Variants in TNIK observed in about 807,000 individuals in gnomAD.
TNIK encodes TRAF2 and NCK-interacting protein kinase.
In TNIK, 49 loss-of-function variants were observed where a neutral mutation model predicts 191.3. That is an observed-to-expected ratio of 0.26 (90% CI 0.20 to 0.32). TNIK has a LOEUF of 0.32. TNIK is among the 10% of genes least tolerant of loss of function. The pLI is 1.00. For missense variants in TNIK, 1,155 were observed against 1,702.3 expected (o/e 0.68, Z 5.66); for synonymous variants, 594 against 600.9 (o/e 0.99, Z 0.17).
At chr3:171,268,043 G>A (rs976060290) in intron 2 of TNIK, among the ~76,000 whole-genome samples, 2 of 152,122 alleles carry the variant, frequency 1.3e-5, no homozygotes, top group Admixed American at 1.3e-4. Flanking sequence ...TACACTCTGA[G>A]GAGTCCTTCT....
At chr3:171,064,671 G>A (rs900466179) in intron 32 of TNIK, among the ~76,000 whole-genome samples, 8 of 152,168 alleles carry the variant, frequency 5.3e-5, no homozygotes, top group Non-Finnish European at 1.0e-4. Context: ...ACTGACAAAC[G>A]TGAGAAAAAT....
intron 2 of TNIK, among the ~76,000 whole-genome samples, chr3:171,295,751 C>A (rs941600963): frequency 1.3e-5 from 2 of 152,226 alleles, no homozygotes; most frequent in African/African-American, 2.4e-5. Context: ...CCACCACAGA[C>A]CAGGGAGGTA....
intron 1 of TNIK, among the ~76,000 whole-genome samples, chr3:171,446,690 C>T (rs1261990012): frequency 6.6e-6 from 1 of 152,174 alleles, no homozygotes; most frequent in African/African-American, 2.4e-5. Context: ...GAAAGCACAA[C>T]TTAAGATTTT....
chr3:171,204,354 A>T (rs1739802353), intron 4 of TNIK, among the ~76,000 whole-genome samples: 1 of 152,244 alleles, frequency 6.6e-6, no homozygotes. Flanking sequence ...ATTATAATTC[A>T]ATCAGACACC....
At chr3:171,352,591 G>A (rs1713387125) in intron 2 of TNIK, among the ~76,000 whole-genome samples, 1 of 152,186 alleles carries the variant, frequency 6.6e-6, no homozygotes, top group African/African-American at 2.4e-5. Flanking sequence ...CTACTTTACA[G>A]TACAGTTTAA....
chr3:171,251,421 C>T (rs1746208943), intron 2 of TNIK, among the ~76,000 whole-genome samples: 2 of 152,026 alleles, frequency 1.3e-5, no homozygotes, highest in South Asian at 4.2e-4. Flanking sequence ...ATAGCTAGGC[C>T]CAGAAGTAAG....
At chr3:171,445,121 A>G (rs1727322177) in intron 1 of TNIK, among the ~76,000 whole-genome samples, 2 of 152,016 alleles carry the variant, frequency 1.3e-5, no homozygotes, top group Non-Finnish European at 2.9e-5. Flanking sequence ...CCCCATCCTA[A>G]GAGTTTCTGA....
At chr3:171,451,851 C>A (rs1728212911) in intron 1 of TNIK, among the ~76,000 whole-genome samples, 1 of 152,162 alleles carries the variant, frequency 6.6e-6, no homozygotes, top group Admixed American at 6.6e-5. Context: ...ATGCTGGATA[C>A]CATGTGCATT....
At chr3:171,107,511 A>C (rs1725096427) in intron 20 of TNIK, among the ~76,000 whole-genome samples, 1 of 152,214 alleles carries the variant, frequency 6.6e-6, no homozygotes, top group Non-Finnish European at 1.5e-5. Flanking sequence ...TCAACTTTCA[A>C]ATTTTAGCCT....
At chr3:171,157,406 G>C (rs1384278888) in intron 12 of TNIK, 54 bp downstream of exon 12, 1 of 1,538,792 alleles carries the variant, frequency 6.5e-7, no homozygotes, top group Non-Finnish European at 8.8e-7. Flanking sequence ...AATGCTTGGA[G>C]AGTGACCACA....
At position 171,061,598 on chromosome 3, in the gene TNIK, A is replaced by C. The variant is rs1302970873; in HGVS notation, c.*2283T>G. The C allele has an allele frequency of 6.6e-6, 1 of 152,232 alleles. No homozygotes were observed. Among genetic ancestry groups the C allele is most frequent in the African/African-American group, 2.4e-5 (1 of 41,464 alleles). The allele number at this position is 152,232 out of a possible 1,614,324, so 9.4% of individuals were successfully genotyped here. On this transcript the variant is annotated 3_prime_UTR_variant, in exon 33 of 33. Transcript: ENST00000436636. ...GTGTGTTTCAAACTTATCACTTAGAAATAAAAACAAAACAAAACATAAAAA... is the reference window on the plus strand; with the variant it reads ...GTGTGTTTCAAACTTATCACTTAGACATAAAAACAAAACAAAACATAAAAA...
chr3:171,245,450 A>G (rs1745485302), intron 2 of TNIK, among the ~76,000 whole-genome samples: 1 of 152,196 alleles, frequency 6.6e-6, no homozygotes, highest in Non-Finnish European at 1.5e-5. Flanking sequence ...AAAATAAAAG[A>G]AACAACATTT....
chr3:171,082,033 CT>C (rs1451694201), intron 27 of TNIK, among the ~76,000 whole-genome samples: 1 of 152,134 alleles, frequency 6.6e-6, no homozygotes, highest in Non-Finnish European at 1.5e-5. Context: ...TGGTATGTCT[CT>C]GCCTAATTCA....
intron 15 of TNIK, among the ~76,000 whole-genome samples, chr3:171,134,472 C>T (rs991933548): frequency 2.6e-5 from 4 of 151,978 alleles, no homozygotes; most frequent in East Asian, 1.9e-4. Flanking sequence ...TGTAGAGACA[C>T]GGTTTCACTG....
intron 2 of TNIK, among the ~76,000 whole-genome samples, chr3:171,283,869 C>T (rs993886212): frequency 6.6e-6 from 1 of 152,204 alleles, no homozygotes; most frequent in Non-Finnish European, 1.5e-5. Context: ...TACTGTCTCT[C>T]AGCCATCTTC....
At chr3:171,289,023 A>G (rs1751378676) in intron 2 of TNIK, among the ~76,000 whole-genome samples, 1 of 152,212 alleles carries the variant, frequency 6.6e-6, no homozygotes, top group South Asian at 2.1e-4. Flanking sequence ...AACTGATCCA[A>G]TAATTTAAAT....
intron 16 of TNIK, among the ~76,000 whole-genome samples, chr3:171,128,154 C>T (rs537407667): frequency 7.2e-5 from 11 of 152,288 alleles, no homozygotes; most frequent in African/African-American, 2.6e-4. Flanking sequence ...AGGCCTCCCC[C>T]ACCCCCAGAG....
chr3:171,378,690 G>A (rs190656795), intron 1 of TNIK, among the ~76,000 whole-genome samples: 6 of 152,180 alleles, frequency 3.9e-5, no homozygotes, highest in East Asian at 3.9e-4. Flanking sequence ...GCCACAATGC[G>A]GTAAGGTCTG....
At chr3:171,289,711 G>A (rs1458093350) in intron 2 of TNIK, among the ~76,000 whole-genome samples, 1 of 152,100 alleles carries the variant, frequency 6.6e-6, no homozygotes, top group Non-Finnish European at 1.5e-5. Context: ...AGACCAGCCT[G>A]GCCAACATGG....
Sources: gnomAD v4.1 joint callset for allele counts (sites outside exome capture counted in the v4.1 genomes callset) on GRCh38, gnomAD v4.1.1 for gene constraint, MANE v1.5 for transcripts, NCBI Gene and HGNC (gene_info 2026-07-23, HGNC 2026-07-21) for gene names.